The following UNC13C variants were observed in gnomAD, a reference collection of about 807,000 sequenced individuals.
UNC13C encodes the protein protein unc-13 homolog C.
In UNC13C, 174 loss-of-function variants were observed where a neutral mutation model predicts 245.4. The observed-to-expected ratio is 0.71, with a 90% CI of 0.63 to 0.80. The LOEUF is 0.80. Ranked by LOEUF, UNC13C falls within the 30% of genes least tolerant of loss-of-function variation. The pLI, the probability that UNC13C is intolerant of heterozygous loss-of-function variation, is 0.00. For missense variants in UNC13C, 2,829 were observed against 2,602.9 expected (o/e 1.09, Z -1.89); for synonymous variants, 992 against 895.1 (o/e 1.11, Z -1.93).
chr15:54,064,843 CCAT>C (rs1427505873), intron 2 of UNC13C, among the ~76,000 whole-genome samples: 1 of 152,114 alleles, frequency 6.6e-6, no homozygotes. Flanking sequence ...CTTTTACTGA[CCAT>C]CATCATGTAA....
In UNC13C at chr15:54,012,775, C is replaced by A; in HGVS notation, c.-129C>A. 2 of 716,746 alleles carry A rather than the reference C, an allele frequency of 2.8e-6. No individual in the cohort carries two copies. The highest frequency in any genetic ancestry group is 4.7e-6 in the Non-Finnish European group (2 of 428,822). 44.4% of individuals were successfully genotyped at this position (716,746 alleles called of 1,614,324 possible). A position where few individuals can be genotyped will look rare whatever the true frequency, so the allele number is the denominator to read the frequency against. On this transcript the variant is annotated 5_prime_UTR_variant, in exon 2 of 33. It adds an upstream start codon to the 5' untranslated region. Transcript: ENST00000260323. ...CAGCGACAATGTGGCAGAGCCATGC[C>A]TGCCCTTCCTGCTCTTTCCAGTGAT...
chr15:54,443,061 C>T (rs1890618523), intron 19 of UNC13C, among the ~76,000 whole-genome samples: 1 of 151,996 alleles, frequency 6.6e-6, no homozygotes, highest in South Asian at 2.1e-4. Flanking sequence ...TTTCTTTCTC[C>T]ACAGACTTTG....
At chr15:53,844,714 C>G in the UNC13C span, among the ~76,000 whole-genome samples, 1 of 151,874 alleles carries the variant, frequency 6.6e-6, no homozygotes, top group Non-Finnish European at 1.5e-5. Flanking sequence ...GGAAGGGTTC[C>G]TAAGAAAAAA....
chr15:54,239,208 T>C (rs539281590), intron 7 of UNC13C, among the ~76,000 whole-genome samples: 1 of 152,322 alleles, frequency 6.6e-6, no homozygotes, highest in South Asian at 2.1e-4. Flanking sequence ...ACCATTTTTA[T>C]GTCTATATTT....
Position 54,072,440 on chromosome 15 carries a change from C to T in UNC13C, c.2983+56554C>T, listed in dbSNP as rs11852819. 9.4e-3 allele frequency among the ~76,000 whole-genome samples: 1,437 copies of T among 152,250 alleles called. 11 individuals are homozygous for T. The highest frequency in any genetic ancestry group is 0.016 in the Non-Finnish European group (1,064 of 68,016). The stretch of plus-strand genomic sequence containing the variant: ...GCCTGGTAGCTGAGGCTGTCCTTTG[C>T]ACTCTTTTGCTTCTTCAATGGAGCC... On this transcript the variant is annotated intron_variant, in intron 2 of 32. Coordinates refer to ENST00000260323, the MANE Select transcript of UNC13C (RefSeq NM_001080534.3).
chr15:54,496,263 C>T (rs1283710333), intron 20 of UNC13C, among the ~76,000 whole-genome samples: 1 of 151,780 alleles, frequency 6.6e-6, no homozygotes, highest in Non-Finnish European at 1.5e-5. Context: ...AAAGGCCATA[C>T]TGAAAATATA....
At chr15:54,327,741 G>T (rs192913996) in intron 14 of UNC13C, among the ~76,000 whole-genome samples, 29 of 152,146 alleles carry the variant, frequency 1.9e-4, no homozygotes, top group South Asian at 4.1e-4. Flanking sequence ...TTTTGAGTCT[G>T]TAATTTTTTC....
chr15:54,311,037 T>G (rs1405903452), intron 13 of UNC13C, among the ~76,000 whole-genome samples: 11 of 151,794 alleles, frequency 7.2e-5, no homozygotes. Flanking sequence ...GTTTTGGTAC[T>G]AGGAGCTACC....
At chr15:54,629,061 A>C (rs1901380438), downstream of UNC13C, 1 of 152,210 alleles carries the variant, frequency 6.6e-6, no homozygotes, top group Non-Finnish European at 1.5e-5. Flanking sequence ...AGTAGACCAG[A>C]TAAAGAAAAT....
At chr15:54,200,968 G>A (rs1237049026) in intron 4 of UNC13C, among the ~76,000 whole-genome samples, 1 of 151,968 alleles carries the variant, frequency 6.6e-6, no homozygotes, top group African/African-American at 2.4e-5. Context: ...GGCTCAGTTA[G>A]AAACGAAACG....
At chr15:54,121,639 TC>T (rs1219121503) in intron 2 of UNC13C, among the ~76,000 whole-genome samples, 1 of 152,114 alleles carries the variant, frequency 6.6e-6, no homozygotes, top group African/African-American at 2.4e-5. Context: ...TTCTTTTTCT[TC>T]TTTTTTCAGT....
At chr15:54,195,710 T>G (rs2141334820) in intron 4 of UNC13C, among the ~76,000 whole-genome samples, 1 of 152,280 alleles carries the variant, frequency 6.6e-6, no homozygotes, top group East Asian at 1.9e-4. Context: ...GTACTTTCTC[T>G]TCAGCAATGT....
chr15:53,944,943 A>T, the UNC13C span, among the ~76,000 whole-genome samples: 1 of 152,082 alleles, frequency 6.6e-6, no homozygotes, highest in Non-Finnish European at 1.5e-5. Flanking sequence ...TTTACTTTTT[A>T]ATAATAGCCA....
At chr15:53,953,938 C>T in the UNC13C span, among the ~76,000 whole-genome samples, 1 of 152,226 alleles carries the variant, frequency 6.6e-6, no homozygotes, top group African/African-American at 2.4e-5. Flanking sequence ...TCAAGACTTC[C>T]ATGGTGACTG....
chr15:54,285,971 C>G (rs2037137972), intron 10 of UNC13C, among the ~76,000 whole-genome samples: 1 of 151,954 alleles, frequency 6.6e-6, no homozygotes, highest in South Asian at 2.1e-4. Context: ...TCCGCCTCCC[C>G]AGTTCAAGCG....
intron 1 of UNC13C, among the ~76,000 whole-genome samples, chr15:54,011,992 G>A (rs1186947370): frequency 6.6e-6 from 1 of 152,118 alleles, no homozygotes; most frequent in African/African-American, 2.4e-5. Flanking sequence ...CTATTATTCT[G>A]GGTTACATTT....
chr15:54,052,617 G>A (rs533934994), intron 2 of UNC13C, among the ~76,000 whole-genome samples: 1 of 152,316 alleles, frequency 6.6e-6, no homozygotes, highest in Admixed American at 6.5e-5. Flanking sequence ...TGGTGTTGAA[G>A]TGTTTTATCC....
intron 19 of UNC13C, among the ~76,000 whole-genome samples, chr15:54,476,872 G>A (rs1294040056): frequency 2.6e-5 from 4 of 150,972 alleles, no homozygotes; most frequent in Non-Finnish European, 5.9e-5. Flanking sequence ...GATGGGGATG[G>A]CATTGAATCT....
At chr15:54,204,973 T>C (rs1185156967) in intron 4 of UNC13C, among the ~76,000 whole-genome samples, 1 of 152,034 alleles carries the variant, frequency 6.6e-6, no homozygotes, top group Non-Finnish European at 1.5e-5. Context: ...ATTTTAATTC[T>C]AAAATATGTT....
Sources: allele counts gnomAD v4.1 joint callset (sites outside exome capture counted in the v4.1 genomes callset), GRCh38; gene constraint gnomAD v4.1.1; transcripts MANE v1.5; gene names NCBI Gene and HGNC (gene_info 2026-07-23, HGNC 2026-07-21).